The following POLR3F variants were observed in gnomAD, a reference collection of about 807,000 sequenced individuals.
The protein encoded by POLR3F is DNA-directed RNA polymerase III subunit RPC6.
A neutral mutation model predicts 43.6 loss-of-function variants in POLR3F; 31 were observed. The observed-to-expected ratio is 0.71, with a 90% CI of 0.53 to 0.96. POLR3F has a LOEUF of 0.96. Among genes scored for constraint, POLR3F ranks in the 40% least tolerant of loss-of-function variants. The pLI, the probability that POLR3F is intolerant of heterozygous loss-of-function variation, is 0.00. For synonymous variants in POLR3F, 114 were observed against 132.5 expected (o/e 0.86, Z 0.96); for missense variants, 316 against 391.7 (o/e 0.81, Z 1.63).
At chr20:18,469,161 A>G in intron 2 of POLR3F, 100 bp downstream of exon 2, 1 of 728,152 alleles carries the variant, frequency 1.4e-6, no homozygotes, top group Non-Finnish European at 2.5e-6. Context: ...AACTTGACTA[A>G]GATACAGGAT....
At chr20:18,478,861 G>A (rs1188221794) in intron 5 of POLR3F, among the ~76,000 whole-genome samples, 3 of 152,052 alleles carry the variant, frequency 2.0e-5, no homozygotes, top group East Asian at 1.9e-4. Flanking sequence ...TGCTCCTGAC[G>A]GCTGGGCAGG....
At position 18,483,672 on chromosome 20, in the gene POLR3F, C is replaced by A; in HGVS notation, c.*114C>A. 2.1e-6 allele frequency: 1 copy of A among 477,090 alleles called. No homozygotes were observed. The highest frequency in any genetic ancestry group is 3.7e-6 in the Non-Finnish European group (1 of 267,278). 29.6% of individuals were successfully genotyped at this position (477,090 alleles called of 1,614,324 possible). A position where few individuals can be genotyped will look rare whatever the true frequency, so the allele number is the denominator to read the frequency against. On this transcript the variant is annotated 3_prime_UTR_variant, in exon 9 of 9. Transcript: ENST00000377603. ...TGAAAGCAAACTTCACAATAATGGACGTAGACTTGCTGCTATGAAAACATA... is the reference window on the plus strand; with the variant it reads ...TGAAAGCAAACTTCACAATAATGGAAGTAGACTTGCTGCTATGAAAACATA...
chr20:18,480,533 T>A, intron 7 of POLR3F, 24 bp downstream of exon 7: 2 of 1,305,384 alleles, frequency 1.5e-6, no homozygotes, highest in Non-Finnish European at 1.1e-6. Flanking sequence ...TTCATCTTAT[T>A]TTTTAAAACT....
At chr20:18,482,295 ATTCT>A (rs2148868546) in intron 8 of POLR3F, among the ~76,000 whole-genome samples, 1 of 152,140 alleles carries the variant, frequency 6.6e-6, no homozygotes, top group African/African-American at 2.4e-5. Context: ...CCTGCTTTAC[ATTCT>A]TTCTTGGAAC....
Position 18,483,477 on chromosome 20 carries a change from A to T in POLR3F, c.874-4A>T. 1 of 1,413,332 alleles carries T rather than the reference A, an allele frequency of 7.1e-7. No homozygotes were observed. The highest frequency in any genetic ancestry group is 9.8e-7 in the Non-Finnish European group (1 of 1,022,212). 87.5% of individuals were successfully genotyped at this position (1,413,332 alleles called of 1,614,324 possible). On this transcript the variant is annotated splice_region_variant and splice_polypyrimidine_tract_variant and intron_variant, in intron 8 of 8. Coordinates refer to ENST00000377603, the MANE Select transcript of POLR3F (RefSeq NM_006466.4). ...TGAATATAATTTTTTTTTCTTTTTTAAAGGTTTTTGATGACTGCCACGAAG... is the reference window on the plus strand; with the variant it reads ...TGAATATAATTTTTTTTTCTTTTTTTAAGGTTTTTGATGACTGCCACGAAG...
At chr20:18,477,613 GA>G (rs1353223105) in intron 5 of POLR3F, among the ~76,000 whole-genome samples, 1 of 152,150 alleles carries the variant, frequency 6.6e-6, no homozygotes, top group Non-Finnish European at 1.5e-5. Flanking sequence ...GTTATAAAAA[GA>G]AATAAGCTAT....
At chr20:18,469,703 A>G (rs538018950) in intron 2 of POLR3F, among the ~76,000 whole-genome samples, 27 of 152,360 alleles carry the variant, frequency 1.8e-4, no homozygotes, top group African/African-American at 6.3e-4. Flanking sequence ...TTGAAAAAAG[A>G]AGAAATAATT....
At position 18,483,624 on chromosome 20, in the gene POLR3F, C is replaced by G; in HGVS notation, c.*66C>G. On this transcript the variant is annotated 3_prime_UTR_variant, in exon 9 of 9. Coordinates refer to ENST00000377603, the MANE Select transcript of POLR3F (RefSeq NM_006466.4). ...TACTTAGGGAGCAGATAATTTAATTCATGATGGAACACGAAATCTCCTTGA... is the reference window on the plus strand; with the variant it reads ...TACTTAGGGAGCAGATAATTTAATTGATGATGGAACACGAAATCTCCTTGA... The G allele has an allele frequency of 1.5e-6, 1 of 650,694 alleles. No individual in the cohort carries two copies. Among genetic ancestry groups the G allele is most frequent in the Non-Finnish European group, 2.6e-6 (1 of 378,620 alleles). The allele number at this position is 650,694 out of a possible 1,614,324, so 40.3% of individuals were successfully genotyped here.
In POLR3F at chr20:18,481,804, C is replaced by A. The variant is rs200682400; in HGVS notation, c.867C>A (p.Leu289=). The change falls in exon 8 of 9, where the codon CTC becomes CTA. Residue 289 remains leucine, a synonymous_variant. Coordinates refer to ENST00000377603, the MANE Select transcript of POLR3F (RefSeq NM_006466.4). ...GTTTGGTCCGGGCACCCTGTGGACTCTGCCCGGTGAGTTAAAGTGGCTTCA... is the reference window on the plus strand; with the variant it reads ...GTTTGGTCCGGGCACCCTGTGGACTATGCCCGGTGAGTTAAAGTGGCTTCA... ...PTGLVRAPCG[L]CPVFDDCHEG... 1 of 1,608,450 alleles carries A rather than the reference C, an allele frequency of 6.2e-7. No individual in the cohort carries two copies. The highest frequency in any genetic ancestry group is 8.5e-7 in the Non-Finnish European group (1 of 1,175,418).
At chr20:18,483,073 C>T (rs925389572) in intron 8 of POLR3F, among the ~76,000 whole-genome samples, 2 of 151,430 alleles carry the variant, frequency 1.3e-5, no homozygotes, top group Admixed American at 6.6e-5. Flanking sequence ...TCCCGCTCCC[C>T]CCTCGCCCCC....
In POLR3F at chr20:18,467,478, T is replaced by TC. The variant is rs1222874863; in HGVS notation, c.-23dup. 1.9e-6 allele frequency: 3 copies of TC among 1,613,670 alleles called. No homozygotes were observed. The highest frequency in any genetic ancestry group is 2.7e-5 in the African/African-American group (2 of 75,038). On this transcript the variant is annotated 5_prime_UTR_variant, in exon 1 of 9. Coordinates refer to ENST00000377603, the MANE Select transcript of POLR3F (RefSeq NM_006466.4). ...GCTACCGGGCTGCTCCGTGCATCTT[T>TC]CCCCCCAGGCGTCAGGAACTGCGCC...
chr20:18,469,279 G>C (rs897212312), intron 2 of POLR3F: 22 of 503,086 alleles, frequency 4.4e-5, no homozygotes, highest in African/African-American at 4.0e-4. Context: ...GGGTCCAGTT[G>C]GGTGAGCATC....
chr20:18,479,730 G>A (rs931612495), intron 5 of POLR3F, among the ~76,000 whole-genome samples: 5 of 152,010 alleles, frequency 3.3e-5, no homozygotes, highest in African/African-American at 1.2e-4. Context: ...TGAGAGAGAT[G>A]ACTAAATGTA....
At chr20:18,467,814 G>A in intron 1 of POLR3F, 1 of 693,962 alleles carries the variant, frequency 1.4e-6, no homozygotes, top group Non-Finnish European at 2.3e-6. Context: ...GATACTTTTG[G>A]GGAAGTTGTG....
At position 18,472,661 on chromosome 20, in the gene POLR3F, A is replaced by G. The variant is rs142486364; in HGVS notation, c.181-181A>G. ...CTTTTTAAAAATTCTTTATGCATTG[A>G]TCATATAACCAAGCCAAGATCTAGC... On this transcript the variant is annotated intron_variant, in intron 2 of 8. Transcript: ENST00000377603. Among the ~76,000 whole-genome samples the G allele has an allele frequency of 9.2e-4, 140 of 152,098 alleles. 2 individuals carry two copies. The highest frequency in any genetic ancestry group is 3.3e-3 in the African/African-American group (138 of 41,498).
intron 5 of POLR3F, among the ~76,000 whole-genome samples, chr20:18,479,031 G>A (rs986694634): frequency 9.9e-5 from 15 of 152,110 alleles, no homozygotes; most frequent in Non-Finnish European, 4.4e-5. Flanking sequence ...TGTAATCCCA[G>A]CTACTCGGGA....
rs755067083 is a variant in POLR3F at position 18,481,810 on chromosome 20, G to A, written c.873G>A (p.Pro291=). 8.1e-6 allele frequency: 13 copies of A among 1,605,052 alleles called. No homozygotes were observed. The highest frequency in any genetic ancestry group is 3.3e-5 in the South Asian group (3 of 90,648). ...GLVRAPCGLC[P]VFDDCHEGGE... ...TCCGGGCACCCTGTGGACTCTGCCC[G>A]GTGAGTTAAAGTGGCTTCACTTTAC... is the stretch of plus-strand genomic sequence containing the variant. The change falls in exon 8 of 9, where the codon CCG becomes CCA. Residue 291 remains proline, a splice_region_variant and synonymous_variant. Coordinates refer to ENST00000377603, the MANE Select transcript of POLR3F (RefSeq NM_006466.4).
chr20:18,477,283 T>A (rs968592862), intron 5 of POLR3F, among the ~76,000 whole-genome samples: 1 of 152,128 alleles, frequency 6.6e-6, no homozygotes, highest in Non-Finnish European at 1.5e-5. Context: ...ATAGCTAAAA[T>A]CTAAAAATTG....
chr20:18,478,410 T>A (rs1194285955), intron 5 of POLR3F, among the ~76,000 whole-genome samples: 2 of 151,980 alleles, frequency 1.3e-5, no homozygotes, highest in Non-Finnish European at 2.9e-5. Flanking sequence ...AGACAGGGTT[T>A]TACTATGTTA....
Sources: gnomAD v4.1 joint callset for allele counts (sites outside exome capture counted in the v4.1 genomes callset) on GRCh38, gnomAD v4.1.1 for gene constraint, MANE v1.5 for transcripts, NCBI Gene and HGNC (gene_info 2026-07-23, HGNC 2026-07-21) for gene names.